Variants in WDR4 observed in about 807,000 individuals in gnomAD.
The protein encoded by WDR4 is tRNA (guanine-N(7)-)-methyltransferase non-catalytic subunit WDR4.
In WDR4, 47 loss-of-function variants were observed where a neutral mutation model predicts 48.6. That is an observed-to-expected ratio of 0.97 (90% CI 0.77 to 1.23). WDR4 has a LOEUF of 1.23. Among genes scored for constraint, WDR4 ranks in the 50% most tolerant of loss-of-function variants. The pLI, the probability that WDR4 is intolerant of heterozygous loss-of-function variation, is 0.00. For synonymous variants in WDR4, 268 were observed against 230.0 expected (o/e 1.17, Z -1.49); for missense variants, 606 against 551.6 (o/e 1.10, Z -0.99).
chr21:42,884,098 G>A (rs1362311355), upstream of WDR4, among the ~76,000 whole-genome samples: 1 of 152,192 alleles, frequency 6.6e-6, no homozygotes, highest in East Asian at 1.9e-4. Flanking sequence ...GCATGTATCA[G>A]TACTTCACTG....
the WDR4 span, among the ~76,000 whole-genome samples, chr21:42,892,921 T>G: frequency 6.6e-6 from 1 of 152,186 alleles, no homozygotes; most frequent in African/African-American, 2.4e-5. Flanking sequence ...GACCAGACTG[T>G]GCCCCCAGGG....
chr21:42,874,262 C>T (rs187349142), intron 2 of WDR4, among the ~76,000 whole-genome samples: 1 of 152,282 alleles, frequency 6.6e-6, no homozygotes, highest in East Asian at 1.9e-4. Flanking sequence ...TTATCACTTC[C>T]CCAGTCAATA....
intron 5 of WDR4, among the ~76,000 whole-genome samples, chr21:42,860,287 G>A (rs890100938): frequency 1.1e-4 from 17 of 152,212 alleles, no homozygotes; most frequent in Non-Finnish European, 2.1e-4. Flanking sequence ...TCTCTGCTGA[G>A]CCCGGCCCAG....
chr21:42,884,690 A>G, the WDR4 span, among the ~76,000 whole-genome samples: 1 of 151,848 alleles, frequency 6.6e-6, no homozygotes, highest in Non-Finnish European at 1.5e-5. Flanking sequence ...GCTGATTCAC[A>G]AAGTGGCTAC....
In WDR4 at chr21:42,876,218, C is replaced by CTT. The variant is rs373181618; in HGVS notation, c.155+482_155+483dup. The stretch of plus-strand genomic sequence containing the variant: ...CCGCACCCGGCACTAACACTGTACT[C>CTT]TTTTTTTTTTTGGGAGACAGAGTCT... On this transcript the variant is annotated intron_variant, in intron 2 of 10. Transcript: ENST00000398208. Among the ~76,000 whole-genome samples, 5 of 105,878 alleles carry CTT rather than the reference C, an allele frequency of 4.7e-5. 1 individual carries two copies. The highest frequency in any genetic ancestry group is 6.7e-3 in the Middle Eastern group (1 of 150). The allele number at this position is 105,878 out of a possible 152,430, so 69.5% of individuals were successfully genotyped here. A position where few individuals can be genotyped will look rare whatever the true frequency, so the allele number is the denominator to read the frequency against.
At chr21:42,855,231 G>A (rs943181750) in intron 7 of WDR4, among the ~76,000 whole-genome samples, 2 of 152,226 alleles carry the variant, frequency 1.3e-5, no homozygotes, top group Non-Finnish European at 2.9e-5. Context: ...ACAGCTGCCT[G>A]GCAGGGGGCA....
At chr21:42,872,661 G>A (rs867566009) in intron 3 of WDR4, among the ~76,000 whole-genome samples, 33 of 151,416 alleles carry the variant, frequency 2.2e-4, no homozygotes, top group African/African-American at 6.5e-4. Context: ...CAGGCCGGGT[G>A]TAGTGGCTCA....
chr21:42,862,879 C>T lies in WDR4; in HGVS notation c.454-485G>A, dbSNP rs2058151853. Among the ~76,000 whole-genome samples the T allele has an allele frequency of 6.6e-6, 1 of 152,236 alleles. No individual in the cohort carries two copies. Among genetic ancestry groups the T allele is most frequent in the Non-Finnish European group, 1.5e-5 (1 of 68,038 alleles). ...TCCCTGTGTGCGTCCAATCCCAGCT[C>T]CACCACCCGGGCTGTGGGCCTGCGC... On this transcript the variant is annotated intron_variant, in intron 4 of 10. Transcript: ENST00000398208. This position sits in a 1 kb window ranked among gnomAD's most constrained non-coding sequence, Gnocchi z 4.3.
At chr21:42,864,642 G>A (rs148265857) in intron 3 of WDR4, among the ~76,000 whole-genome samples, 1 of 152,264 alleles carries the variant, frequency 6.6e-6, no homozygotes, top group African/African-American at 2.4e-5. Flanking sequence ...AGTCATGGAT[G>A]CACCAGAGTT....
chr21:42,890,773 T>C, the WDR4 span, among the ~76,000 whole-genome samples: 1 of 151,874 alleles, frequency 6.6e-6, no homozygotes, highest in East Asian at 1.9e-4. Flanking sequence ...AAAAATCTAG[T>C]CTACTATTTT....
the WDR4 span, among the ~76,000 whole-genome samples, chr21:42,885,241 C>T: frequency 6.6e-6 from 1 of 152,134 alleles, no homozygotes; most frequent in Non-Finnish European, 1.5e-5. Context: ...CTCACATTTT[C>T]CCCCTTCTCC....
intron 10 of WDR4, among the ~76,000 whole-genome samples, chr21:42,850,779 G>A (rs1030634859): frequency 2.0e-5 from 3 of 152,324 alleles, no homozygotes; most frequent in Non-Finnish European, 2.9e-5. Context: ...TTAAGGCATC[G>A]AGTGTGGGAT....
At chr21:42,860,349 C>G (rs1348209768) in intron 5 of WDR4, among the ~76,000 whole-genome samples, 4 of 152,210 alleles carry the variant, frequency 2.6e-5, no homozygotes, top group Admixed American at 2.6e-4. Flanking sequence ...TCACAGGGAC[C>G]CTCCCATCAG....
At chr21:42,866,501 C>A (rs896534864) in intron 3 of WDR4, among the ~76,000 whole-genome samples, 1 of 152,122 alleles carries the variant, frequency 6.6e-6, no homozygotes, top group Non-Finnish European at 1.5e-5. Context: ...TAAGCGTGGG[C>A]GGTTTTCTGG....
At chr21:42,847,733 T>C (rs2057723163), downstream of WDR4, among the ~76,000 whole-genome samples, 1 of 152,234 alleles carries the variant, frequency 6.6e-6, no homozygotes, top group African/African-American at 2.4e-5. Context: ...GAAATATATT[T>C]TTAATTTGTT....
At chr21:42,866,176 C>G (rs1711872040) in intron 3 of WDR4, among the ~76,000 whole-genome samples, 1 of 152,158 alleles carries the variant, frequency 6.6e-6, no homozygotes, top group East Asian at 1.9e-4. Flanking sequence ...TCCTCATCTT[C>G]GGCTTGGAAA....
rs61729418 is a variant in WDR4, at chr21:42,863,593, G to C, written c.300C>G (p.Thr100=). 1 of 1,611,780 alleles carries C rather than the reference G, an allele frequency of 6.2e-7. No individual in the cohort carries two copies. The highest frequency in any genetic ancestry group is 8.5e-7 in the Non-Finnish European group (1 of 1,178,752). Residue 100 remains threonine, a synonymous_variant, in exon 4 of 11, where the codon ACC becomes ACG. Coordinates refer to ENST00000398208, the MANE Select transcript of WDR4 (RefSeq NM_018669.6). Reference sequence around the variant, plus strand: ...TCAGGGCTGTACACCTCCTTGCCACGGTCCTAGAAGGCCAGAAAGACACCC... The same window carrying C: ...TCAGGGCTGTACACCTCCTTGCCACCGTCCTAGAAGGCCAGAAAGACACCC... The part of the protein sequence containing the change: ...TKPWQCLSVR[T]VARRCTALTF...
chr21:42,855,236 G>C (rs1441422084), intron 7 of WDR4, among the ~76,000 whole-genome samples: 2 of 152,196 alleles, frequency 1.3e-5, no homozygotes, highest in Admixed American at 6.5e-5. Context: ...TGCCTGGCAG[G>C]GGGCAGAGGC....
chr21:42,879,674 G>A (rs2058589295), upstream of WDR4: 7 of 681,680 alleles, frequency 1.0e-5, no homozygotes, highest in South Asian at 1.3e-4. Flanking sequence ...CCTCCGGGTT[G>A]TGGCTGGTGG....
Sources: gnomAD v4.1 joint callset for allele counts (sites outside exome capture counted in the v4.1 genomes callset) on GRCh38, gnomAD v4.1.1 for gene constraint, Gnocchi (gnomAD v3.1) non-coding constraint, MANE v1.5 for transcripts, NCBI Gene and HGNC (gene_info 2026-07-23, HGNC 2026-07-21) for gene names.